Variants in PDZD2 observed in about 807,000 individuals in gnomAD.
The protein encoded by PDZD2 is PDZ domain containing 2.
PDZD2 carries 90 observed loss-of-function variants against 220.7 expected under a neutral mutation model. The ratio of observed to expected loss-of-function variants is 0.41; its 90% CI spans 0.34 to 0.49. The LOEUF (loss-of-function observed/expected upper bound fraction) is 0.49. PDZD2 is among the 20% of genes least tolerant of loss of function. The probability of loss-of-function intolerance (pLI) is 0.28; values close to 1 mark genes in which losing one functional copy is unlikely to be tolerated. For missense variants in PDZD2, 3,174 were observed against 3,608.5 expected, an observed-to-expected ratio of 0.88 and a Z score of 3.08; for synonymous variants, 1,375 against 1,450.5, an observed-to-expected ratio of 0.95 and a Z score of 1.18.
chr5:31,859,721 C>G (rs1359194914), intron 2 of PDZD2, among the ~76,000 whole-genome samples: 1 of 152,162 alleles, frequency 6.6e-6, no homozygotes, highest in African/African-American at 2.4e-5. Flanking sequence ...CTTGACTGAT[C>G]ACTCACTAAA....
intron 2 of PDZD2, among the ~76,000 whole-genome samples, chr5:31,869,476 TG>T (rs1738557615): frequency 6.6e-6 from 1 of 151,336 alleles, no homozygotes; most frequent in Admixed American, 6.6e-5. Context: ...GGCAGGAGAA[TG>T]GCCGTGAACC....
At chr5:32,025,572 C>T (rs1396086543) in intron 6 of PDZD2, among the ~76,000 whole-genome samples, 1 of 133,270 alleles carries the variant, frequency 7.5e-6, no homozygotes, top group Non-Finnish European at 1.6e-5. Context: ...AACTAGTGAG[C>T]CCAAATGTAA....
intron 2 of PDZD2, chr5:31,908,661 G>T: frequency 8.6e-7 from 1 of 1,164,152 alleles, no homozygotes; most frequent in Non-Finnish European, 1.3e-6. Flanking sequence ...CAAACTTGAA[G>T]AACAGAGACC....
intron 1 of PDZD2, among the ~76,000 whole-genome samples, chr5:31,724,965 AT>A (rs1481479862): frequency 3.3e-5 from 5 of 152,206 alleles, no homozygotes; most frequent in African/African-American, 1.2e-4. Flanking sequence ...AAACATGAGA[AT>A]TTTTATAGAA....
chr5:31,662,877 G>C (rs551876971), intron 1 of PDZD2, among the ~76,000 whole-genome samples: 3 of 152,274 alleles, frequency 2.0e-5, no homozygotes, highest in Admixed American at 2.0e-4. Flanking sequence ...TGATCCACCC[G>C]CTGTGGCCTC....
intron 2 of PDZD2, among the ~76,000 whole-genome samples, chr5:31,817,355 G>T (rs1322953395): frequency 6.6e-6 from 1 of 151,652 alleles, no homozygotes; most frequent in Non-Finnish European, 1.5e-5. Context: ...TTAGCCGGCC[G>T]TGGTGGTGGA....
At chr5:31,648,743 G>A (rs1745228130) in intron 1 of PDZD2, among the ~76,000 whole-genome samples, 1 of 151,280 alleles carries the variant, frequency 6.6e-6, no homozygotes. Flanking sequence ...GAGATTTCCT[G>A]TATACCTCTT....
In PDZD2 at chr5:31,954,498, G is replaced by C. The variant is rs191530181; in HGVS notation, c.477-28657G>C. Among the ~76,000 whole-genome samples the C allele has an allele frequency of 5.8e-3, 881 of 152,264 alleles. 3 individuals carry two copies. Among genetic ancestry groups the C allele is most frequent in the Non-Finnish European group, 0.01 (691 of 68,028 alleles). ...ATTCCTCATTACTGCTCAGTGCAGA[G>C]GGTAAAAGATTTAATTATATTATTA... On this transcript the variant is annotated intron_variant, in intron 2 of 24. Coordinates refer to ENST00000438447, the MANE Select transcript of PDZD2 (RefSeq NM_178140.4).
At chr5:31,961,516 A>G (rs1748230631) in intron 2 of PDZD2, among the ~76,000 whole-genome samples, 1 of 152,198 alleles carries the variant, frequency 6.6e-6, no homozygotes, top group Admixed American at 6.6e-5. Flanking sequence ...CCTGGGCAAC[A>G]GAGTGAAATC....
intron 2 of PDZD2, among the ~76,000 whole-genome samples, chr5:31,921,928 CA>C (rs1413093000): frequency 1.3e-5 from 2 of 152,330 alleles, no homozygotes; most frequent in African/African-American, 4.8e-5. Context: ...AGAAGTTCCA[CA>C]CTTTGGCTGT....
chr5:32,064,984 A>T (rs1031228878), intron 14 of PDZD2, among the ~76,000 whole-genome samples: 1 of 150,986 alleles, frequency 6.6e-6, no homozygotes, highest in Non-Finnish European at 1.5e-5. Context: ...GTAAAGAAAT[A>T]AAATCAAAGT....
intron 1 of PDZD2, among the ~76,000 whole-genome samples, chr5:31,760,987 G>A (rs1325339994): frequency 6.6e-6 from 1 of 152,134 alleles, no homozygotes; most frequent in East Asian, 1.9e-4. Context: ...GAGGGAGGAA[G>A]AGCATTCTAG....
intron 1 of PDZD2, among the ~76,000 whole-genome samples, chr5:31,732,097 T>G (rs917836758): frequency 1.3e-5 from 2 of 152,224 alleles, no homozygotes; most frequent in East Asian, 3.8e-4. Context: ...ATCCTCTACA[T>G]GCGTAATTCT....
At chr5:32,039,072 T>C (rs1755798065) in intron 7 of PDZD2, among the ~76,000 whole-genome samples, 1 of 151,030 alleles carries the variant, frequency 6.6e-6, no homozygotes, top group Admixed American at 6.6e-5. Context: ...GTGAAATACC[T>C]GTTTTTAAGA....
At chr5:32,039,059 A>G (rs530632594) in intron 7 of PDZD2, among the ~76,000 whole-genome samples, 47 of 151,974 alleles carry the variant, frequency 3.1e-4, no homozygotes, top group Non-Finnish European at 6.2e-4. Flanking sequence ...CAGGTTTAAG[A>G]CGGTGAAATA....
At chr5:32,040,192 G>A in intron 7 of PDZD2, among the ~76,000 whole-genome samples, 1 of 150,308 alleles carries the variant, frequency 6.7e-6, no homozygotes, top group Admixed American at 6.6e-5. Flanking sequence ...GGGAGATGAG[G>A]AGCGCTTCTG....
At chr5:31,698,378 G>A (rs113851799) in intron 1 of PDZD2, among the ~76,000 whole-genome samples, 11,304 of 149,208 alleles carry the variant, frequency 0.076, 551 homozygotes, top group East Asian at 0.15. Flanking sequence ...GGCGGATCAC[G>A]AGGTCAAGAG....
intron 2 of PDZD2, among the ~76,000 whole-genome samples, chr5:31,897,800 A>C (rs1327419245): frequency 6.6e-6 from 1 of 151,734 alleles, no homozygotes; most frequent in East Asian, 1.9e-4. Flanking sequence ...GCAGTGGTGA[A>C]ATCTCAGCTC....
chr5:31,679,488 A>T (rs7380053), intron 1 of PDZD2, among the ~76,000 whole-genome samples: 1 of 117,858 alleles, frequency 8.5e-6, no homozygotes, highest in Non-Finnish European at 1.8e-5. Context: ...TGTTGTGTTG[A>T]GTTGCATTTT....
Sources: gnomAD v4.1 joint callset for allele counts (sites outside exome capture counted in the v4.1 genomes callset) on GRCh38, gnomAD v4.1.1 for gene constraint, MANE v1.5 for transcripts, NCBI Gene and HGNC (gene_info 2026-07-23, HGNC 2026-07-21) for gene names.